The following RNF38 variants were observed in gnomAD, a reference collection of about 807,000 sequenced individuals.
The protein encoded by RNF38 is ring finger protein 38.
Under a neutral mutation model 67.2 loss-of-function variants are expected in RNF38, and 15 were observed. The observed-to-expected ratio is 0.22, with a 90% CI of 0.15 to 0.34. RNF38 has a LOEUF of 0.34. Among genes scored for constraint, RNF38 ranks in the 10% least tolerant of loss-of-function variants. RNF38 has a pLI of 1.00. For synonymous variants in RNF38, 220 were observed against 218.8 expected (o/e 1.01, Z -0.05); for missense variants, 524 against 639.9 (o/e 0.82, Z 1.95).
chr9:36,398,176 G>A (rs1039675606), intron 1 of RNF38, among the ~76,000 whole-genome samples: 16 of 152,292 alleles, frequency 1.1e-4, no homozygotes, highest in African/African-American at 3.6e-4. Context: ...AAGCAACTCA[G>A]TCTAGTGAGG....
chr9:36,352,701 G>A (rs1309075577), intron 8 of RNF38, 41 bp downstream of exon 8: 1 of 1,363,682 alleles, frequency 7.3e-7, no homozygotes, highest in Admixed American at 1.7e-5. Flanking sequence ...AATCTCAAGA[G>A]TTTCAAAATT....
Position 36,337,865 on chromosome 9 carries a change from G to C in RNF38, c.*1887C>G, listed in dbSNP as rs1466477167. 1.3e-5 allele frequency: 2 copies of C among 152,644 alleles called. No homozygotes were observed. Among genetic ancestry groups the C allele is most frequent in the African/African-American group, 4.8e-5 (2 of 41,458 alleles). 9.5% of individuals were successfully genotyped at this position (152,644 alleles called of 1,614,324 possible). Reference sequence around the variant, plus strand: ...ACAACCCTAGGGGCAAACACAGTATGCAAAACCCTACTTGTAGGACTAGAT... The same window carrying C: ...ACAACCCTAGGGGCAAACACAGTATCCAAAACCCTACTTGTAGGACTAGAT... On this transcript the variant is annotated 3_prime_UTR_variant, in exon 12 of 12. Coordinates refer to ENST00000259605, the MANE Select transcript of RNF38 (RefSeq NM_022781.5).
chr9:36,397,606 T>C (rs1233666858), intron 1 of RNF38, among the ~76,000 whole-genome samples: 2 of 151,938 alleles, frequency 1.3e-5, no homozygotes, highest in African/African-American at 4.8e-5. Flanking sequence ...ATAGGGTGTG[T>C]GAAAACAGCC....
At chr9:36,353,507 T>C (rs1472191227) in intron 6 of RNF38, among the ~76,000 whole-genome samples, 176 bp from the exon 7 acceptor site, 2 of 152,156 alleles carry the variant, frequency 1.3e-5, no homozygotes, top group African/African-American at 4.8e-5. Context: ...TAGGCTACAG[T>C]AAAATCTTCC....
Position 36,342,319 on chromosome 9 carries a change from C to G in RNF38, c.1485+6G>C. ...GTCATTTCCTTTAAAGATGTCATCACTTTACCTTAAGCCATTTGTCAACAC... is the reference window on the plus strand; with the variant it reads ...GTCATTTCCTTTAAAGATGTCATCAGTTTACCTTAAGCCATTTGTCAACAC... On this transcript the variant is annotated splice_donor_region_variant and intron_variant, in intron 11 of 11. Coordinates refer to ENST00000259605, the MANE Select transcript of RNF38 (RefSeq NM_022781.5). The G allele has an allele frequency of 6.3e-7, 1 of 1,588,528 alleles. No individual in the cohort carries two copies. The highest frequency in any genetic ancestry group is 8.6e-7 in the Non-Finnish European group (1 of 1,156,764).
intron 4 of RNF38, among the ~76,000 whole-genome samples, chr9:36,366,390 T>C (rs1490590160): frequency 6.6e-6 from 1 of 152,220 alleles, no homozygotes; most frequent in Non-Finnish European, 1.5e-5. Context: ...GCTTTACATA[T>C]TGCAACTGAT....
At chr9:36,440,058 C>T (rs1182846871) in intron 1 of RNF38, among the ~76,000 whole-genome samples, 1 of 152,042 alleles carries the variant, frequency 6.6e-6, no homozygotes, top group Non-Finnish European at 1.5e-5. Context: ...CCAGCCTGGC[C>T]AACATGGTGA....
intron 6 of RNF38, among the ~76,000 whole-genome samples, chr9:36,354,019 GAGATATA>G (rs1833896792): frequency 6.6e-6 from 1 of 152,148 alleles, no homozygotes. Context: ...ACAGTTCATT[GAGATATA>G]ACTGACATAT....
intron 2 of RNF38, among the ~76,000 whole-genome samples, chr9:36,414,641 G>A (rs535048827): frequency 2.1e-5 from 3 of 145,808 alleles, no homozygotes; most frequent in South Asian, 4.3e-4. Context: ...AGCCGGGATC[G>A]CACCATTGCA....
At chr9:36,366,305 A>G (rs1294122579) in intron 4 of RNF38, among the ~76,000 whole-genome samples, 2 of 152,204 alleles carry the variant, frequency 1.3e-5, no homozygotes, top group Non-Finnish European at 1.5e-5. Context: ...TCAAAATTCC[A>G]ATTATGTCAT....
chr9:36,462,724 G>C (rs1486875210), intron 1 of RNF38, among the ~76,000 whole-genome samples: 1 of 151,448 alleles, frequency 6.6e-6, no homozygotes, highest in Admixed American at 6.6e-5. Context: ...GCCCAGGCTG[G>C]AGATCAGTGG....
intron 1 of RNF38, among the ~76,000 whole-genome samples, chr9:36,440,509 C>A (rs1010345159): frequency 1.4e-5 from 2 of 146,006 alleles, no homozygotes; most frequent in African/African-American, 5.1e-5. Flanking sequence ...CCAGCCTGGG[C>A]AACAAGAGCG....
chr9:36,444,919 C>CTTTTA (rs1554697103), intron 1 of RNF38, among the ~76,000 whole-genome samples: 2 of 133,448 alleles, frequency 1.5e-5, no homozygotes, highest in African/African-American at 5.6e-5. Context: ...GAGCCATTCT[C>CTTTTA]TTTTTTTTTT....
At chr9:36,391,131 C>A (rs540111266) in intron 1 of RNF38, among the ~76,000 whole-genome samples, 13 of 152,212 alleles carry the variant, frequency 8.5e-5, no homozygotes, top group African/African-American at 3.1e-4. Flanking sequence ...GAAATCTCAG[C>A]TCTATTCAAC....
At chr9:36,376,956 G>A (rs899266261) in intron 2 of RNF38, among the ~76,000 whole-genome samples, 1 of 150,624 alleles carries the variant, frequency 6.6e-6, no homozygotes, top group African/African-American at 2.4e-5. Context: ...AAGTTACATG[G>A]ATAAAATAAG....
intron 1 of RNF38, among the ~76,000 whole-genome samples, chr9:36,484,450 G>C (rs1357316130): frequency 6.6e-6 from 1 of 152,092 alleles, no homozygotes; most frequent in Admixed American, 6.5e-5. Flanking sequence ...ATTTTTGTGT[G>C]AGAAATATTT....
At chr9:36,351,016 A>G (rs930155752) in intron 9 of RNF38, 99 bp downstream of exon 9, 2 of 796,910 alleles carry the variant, frequency 2.5e-6, no homozygotes, top group Non-Finnish European at 4.2e-6. Context: ...GTGGCCCAGG[A>G]AGCCAAAAGA....
chr9:36,384,184 CTAT>C (rs1836419667), intron 2 of RNF38, among the ~76,000 whole-genome samples: 2 of 152,056 alleles, frequency 1.3e-5, no homozygotes, highest in East Asian at 3.9e-4. Flanking sequence ...GTATCTGTAA[CTAT>C]AATAATTTTA....
intron 1 of RNF38, among the ~76,000 whole-genome samples, chr9:36,443,037 T>A (rs1237045480): frequency 6.6e-6 from 1 of 152,212 alleles, no homozygotes; most frequent in African/African-American, 2.4e-5. Context: ...AATGTGAACC[T>A]AGAAGAAAAG....
Sources: gnomAD v4.1 joint callset for allele counts (sites outside exome capture counted in the v4.1 genomes callset) on GRCh38, gnomAD v4.1.1 for gene constraint, MANE v1.5 for transcripts, NCBI Gene and HGNC (gene_info 2026-07-23, HGNC 2026-07-21) for gene names.